The following ROBO2 variants were observed in gnomAD, a reference collection of about 807,000 sequenced individuals.
ROBO2 encodes the protein roundabout homolog 2.
In ROBO2, 53 loss-of-function variants were observed where a neutral mutation model predicts 160.8. The observed-to-expected ratio is 0.33, with a 90% CI of 0.26 to 0.41. The LOEUF is 0.41. Ranked by LOEUF, ROBO2 falls within the 10% of genes least tolerant of loss-of-function variation. The pLI is 1.00. For missense variants in ROBO2, 1,577 were observed against 1,722.4 expected (o/e 0.92, Z 1.49); for synonymous variants, 664 against 611.7 (o/e 1.09, Z -1.26).
chr3:76,321,375 C>T lies in ROBO2; in HGVS notation c.109+383773C>T, dbSNP rs992752242. 5.1e-4 allele frequency among the ~76,000 whole-genome samples: 77 copies of T among 151,896 alleles called. 1 individual carries two copies. The highest frequency in any genetic ancestry group is 8.2e-4 in the African/African-American group (34 of 41,322). ...CCTAAAAATACAAAAATTAGCTGGG[C>T]GTGGTGGCGCGCCACTGCTCAGGAG... On this transcript the variant is annotated intron_variant, in intron 2 of 26. Coordinates refer to the ROBO2 transcript ENST00000487694.
intron 2 of ROBO2, among the ~76,000 whole-genome samples, chr3:76,679,716 A>C (rs2092506782): frequency 6.6e-6 from 1 of 152,158 alleles, no homozygotes; most frequent in South Asian, 2.1e-4. Context: ...ATTTTGCTAC[A>C]TTAGGTAACA....
At chr3:77,358,537 T>C (rs2069460548) in intron 2 of ROBO2, among the ~76,000 whole-genome samples, 1 of 152,178 alleles carries the variant, frequency 6.6e-6, no homozygotes, top group Non-Finnish European at 1.5e-5. Flanking sequence ...AATAAGGCAA[T>C]CATTATAAGT....
chr3:76,984,906 G>T (rs950732935), intron 2 of ROBO2, among the ~76,000 whole-genome samples: 1 of 151,878 alleles, frequency 6.6e-6, no homozygotes, highest in South Asian at 2.1e-4. Context: ...AGCATATATA[G>T]GTTGAAAGTA....
intron 2 of ROBO2, among the ~76,000 whole-genome samples, chr3:77,147,055 A>G (rs2077179849): frequency 6.6e-6 from 1 of 152,202 alleles, no homozygotes; most frequent in Admixed American, 6.5e-5. Flanking sequence ...TATATGCAAT[A>G]TGCACCTGTT....
At chr3:75,997,221 T>G (rs938694116) in intron 2 of ROBO2, among the ~76,000 whole-genome samples, 1 of 152,198 alleles carries the variant, frequency 6.6e-6, no homozygotes, top group African/African-American at 2.4e-5. Context: ...TGTTGCAGGA[T>G]TCACTCAATT....
At chr3:76,624,766 C>G (rs1217802644) in intron 2 of ROBO2, among the ~76,000 whole-genome samples, 1 of 126,772 alleles carries the variant, frequency 7.9e-6, no homozygotes, top group African/African-American at 3.2e-5. Context: ...CTATTCTTTC[C>G]AGCCTGAGTG....
intron 2 of ROBO2, among the ~76,000 whole-genome samples, chr3:76,281,166 A>G (rs1708211967): frequency 6.6e-6 from 1 of 151,702 alleles, no homozygotes; most frequent in African/African-American, 2.4e-5. Context: ...AGCTATGCCA[A>G]TCCACATGTG....
chr3:77,532,286 T>C (rs2153635741), intron 6 of ROBO2, among the ~76,000 whole-genome samples: 1 of 152,182 alleles, frequency 6.6e-6, no homozygotes, highest in East Asian at 1.9e-4. Context: ...TAGTGTAGTC[T>C]GAAACTTAAC....
At chr3:76,185,538 G>T (rs1479733661) in intron 2 of ROBO2, among the ~76,000 whole-genome samples, 1 of 151,950 alleles carries the variant, frequency 6.6e-6, no homozygotes, top group African/African-American at 2.4e-5. Context: ...GAAAACCGTT[G>T]TGAGAACAGG....
At chr3:77,301,927 G>C (rs2062693972) in intron 2 of ROBO2, among the ~76,000 whole-genome samples, 1 of 150,928 alleles carries the variant, frequency 6.6e-6, no homozygotes, top group African/African-American at 2.4e-5. Context: ...TTAAGAAACA[G>C]GGTCTTACTC....
chr3:77,205,845 T>C (rs1431219891), intron 2 of ROBO2, among the ~76,000 whole-genome samples: 1 of 152,154 alleles, frequency 6.6e-6, no homozygotes, highest in Non-Finnish European at 1.5e-5. Flanking sequence ...GAAACATGCG[T>C]AAGATCAGGG....
At chr3:76,835,736 T>G (rs2067630374) in intron 2 of ROBO2, among the ~76,000 whole-genome samples, 1 of 152,052 alleles carries the variant, frequency 6.6e-6, no homozygotes, top group African/African-American at 2.4e-5. Flanking sequence ...TTTTCTAACA[T>G]GGATCTCCAA....
intron 2 of ROBO2, among the ~76,000 whole-genome samples, chr3:76,241,821 A>G (rs560466229): frequency 1.8e-4 from 27 of 152,366 alleles, no homozygotes; most frequent in African/African-American, 5.8e-4. Flanking sequence ...ATGATAGGAA[A>G]TGTAATGGTT....
At chr3:76,741,657 T>G (rs2093803536) in intron 2 of ROBO2, among the ~76,000 whole-genome samples, 1 of 151,976 alleles carries the variant, frequency 6.6e-6, no homozygotes, top group African/African-American at 2.4e-5. Context: ...TTGGTCAAGC[T>G]GAATTACATT....
At chr3:76,170,763 CATACAT>C in intron 2 of ROBO2, among the ~76,000 whole-genome samples, 2 of 152,236 alleles carry the variant, frequency 1.3e-5, no homozygotes, top group South Asian at 4.2e-4. Flanking sequence ...AATAATCATA[CATACAT>C]ATATCACTTA....
intron 2 of ROBO2, among the ~76,000 whole-genome samples, chr3:76,934,060 G>C (rs532927474): frequency 2.6e-5 from 4 of 151,874 alleles, no homozygotes; most frequent in Non-Finnish European, 5.9e-5. Flanking sequence ...AGCTCTAAAA[G>C]CTTTTGCTGT....
chr3:76,134,297 C>A (rs537756463), intron 2 of ROBO2, among the ~76,000 whole-genome samples: 2 of 151,850 alleles, frequency 1.3e-5, no homozygotes, highest in African/African-American at 4.8e-5. Context: ...TCTCTGATAA[C>A]CACCGTAAAT....
intron 2 of ROBO2, among the ~76,000 whole-genome samples, chr3:76,769,195 C>A (rs956636073): frequency 5.3e-5 from 8 of 151,244 alleles, no homozygotes; most frequent in African/African-American, 1.9e-4. Context: ...TAAGATCTGG[C>A]GACACTTGTT....
chr3:76,195,271 A>G (rs1249251212), intron 2 of ROBO2, among the ~76,000 whole-genome samples: 1 of 152,192 alleles, frequency 6.6e-6, no homozygotes, highest in East Asian at 1.9e-4. Context: ...TTGAAGGTGA[A>G]TATAAACATG....
Sources: allele counts gnomAD v4.1 joint callset (sites outside exome capture counted in the v4.1 genomes callset), GRCh38; gene constraint gnomAD v4.1.1; transcripts MANE v1.5; gene names NCBI Gene and HGNC (gene_info 2026-07-23, HGNC 2026-07-21).